TRPC7: variants seen among roughly 807,000 people sequenced by gnomAD.
TRPC7 encodes the protein short transient receptor potential channel 7.
In TRPC7, 42 loss-of-function variants were observed where a neutral mutation model predicts 90.1. The observed-to-expected ratio is 0.47, with a 90% CI of 0.36 to 0.60. The LOEUF (loss-of-function observed/expected upper bound fraction) is 0.60, where lower values mean the gene tolerates loss of function less well. TRPC7 is among the 20% of genes least tolerant of loss of function. The pLI, the probability that TRPC7 is intolerant of heterozygous loss-of-function variation, is 0.00. For synonymous variants in TRPC7, 451 were observed against 436.3 expected (o/e 1.03, Z -0.42); for missense variants, 955 against 1,112.3 (o/e 0.86, Z 2.01).
intron 3 of TRPC7, among the ~76,000 whole-genome samples, chr5:136,303,550 A>C (rs1758482950): frequency 6.6e-6 from 1 of 152,110 alleles, no homozygotes; most frequent in Admixed American, 6.6e-5. Context: ...GTGGCCAGGC[A>C]TTCCTCCAGA....
chr5:136,342,801 G>A (rs895192612), intron 2 of TRPC7, among the ~76,000 whole-genome samples: 1 of 152,144 alleles, frequency 6.6e-6, no homozygotes, highest in Non-Finnish European at 1.5e-5. Context: ...AATTGTTTGA[G>A]ACAAACAAAT....
At chr5:136,281,709 G>A (rs764824622) in intron 3 of TRPC7, among the ~76,000 whole-genome samples, 19 of 152,130 alleles carry the variant, frequency 1.2e-4, no homozygotes, top group Admixed American at 8.5e-4. Flanking sequence ...AGCCTAATTC[G>A]TTAGGTCTCA....
intron 4 of TRPC7, among the ~76,000 whole-genome samples, chr5:136,273,927 G>A (rs1050291106): frequency 3.2e-4 from 48 of 152,224 alleles, no homozygotes; most frequent in African/African-American, 1.0e-3. Flanking sequence ...TGACTGGGAT[G>A]TGGGGATGGT....
intron 5 of TRPC7, 28 bp from the exon 6 acceptor site, chr5:136,251,910 A>C: frequency 6.3e-7 from 1 of 1,595,730 alleles, no homozygotes; most frequent in Non-Finnish European, 8.6e-7. Context: ...GGCCAGGCTC[A>C]CTTTTCGTTT....
intron 2 of TRPC7, among the ~76,000 whole-genome samples, chr5:136,336,016 C>T (rs1759651139): frequency 6.6e-6 from 1 of 152,084 alleles, no homozygotes; most frequent in Non-Finnish European, 1.5e-5. Flanking sequence ...CCCAACTTCC[C>T]TCCTGCCACA....
intron 2 of TRPC7, among the ~76,000 whole-genome samples, chr5:136,326,603 A>G (rs1046012137): frequency 6.6e-6 from 1 of 152,334 alleles, no homozygotes; most frequent in East Asian, 1.9e-4. Context: ...AAAACCGGAT[A>G]TGATTGCTGG....
In TRPC7 at chr5:136,251,570, G is replaced by C. The variant is rs1756515777; in HGVS notation, c.1579+79C>G. 3 of 1,182,884 alleles carry C rather than the reference G, an allele frequency of 2.5e-6. No homozygotes were observed. In the Admixed American group the frequency reaches 6.5e-5, roughly 26 times the overall value. The allele number at this position is 1,182,884 out of a possible 1,614,324, so 73.3% of individuals were successfully genotyped here. ...CACTTGATTACAAATAGCGTTACAA[G>C]TTCACCAGCCACAGTGAAGCACCAG... On this transcript the variant is annotated intron_variant, in intron 6 of 11. Transcript: ENST00000513104.
chr5:136,230,522 G>T (rs1196554908), intron 8 of TRPC7, among the ~76,000 whole-genome samples: 1 of 152,102 alleles, frequency 6.6e-6, no homozygotes, highest in Non-Finnish European at 1.5e-5. Context: ...TAACTTGAAG[G>T]TCTTTCCCCA....
intron 3 of TRPC7, among the ~76,000 whole-genome samples, chr5:136,278,146 T>C (rs552462710): frequency 9.8e-5 from 15 of 152,366 alleles, no homozygotes; most frequent in Middle Eastern, 3.4e-3. Context: ...AGGCTGACTC[T>C]GCCCCACTCA....
chr5:136,324,832 G>C (rs1231436715), intron 2 of TRPC7, among the ~76,000 whole-genome samples: 1 of 152,192 alleles, frequency 6.6e-6, no homozygotes, highest in Non-Finnish European at 1.5e-5. Context: ...AGATGTTGTA[G>C]AGACATCCAT....
intron 7 of TRPC7, among the ~76,000 whole-genome samples, chr5:136,246,336 A>G (rs1756337097): frequency 6.6e-6 from 1 of 152,116 alleles, no homozygotes; most frequent in Non-Finnish European, 1.5e-5. Flanking sequence ...CCACTCGCAG[A>G]CCTGCCTCCC....
chr5:136,329,331 A>G (rs967957869), intron 2 of TRPC7, among the ~76,000 whole-genome samples: 1 of 152,224 alleles, frequency 6.6e-6, no homozygotes, highest in Non-Finnish European at 1.5e-5. Context: ...GGCACTGAGA[A>G]TGTAAACCTA....
intron 1 of TRPC7, among the ~76,000 whole-genome samples, chr5:136,358,731 G>C (rs559296572): frequency 1.3e-5 from 2 of 152,136 alleles, no homozygotes; most frequent in Admixed American, 6.5e-5. Flanking sequence ...TGAAATAGAG[G>C]GGCTGGACCA....
intron 8 of TRPC7, among the ~76,000 whole-genome samples, chr5:136,228,888 G>A (rs540244317): frequency 8.1e-4 from 123 of 152,294 alleles, no homozygotes; most frequent in Middle Eastern, 3.4e-3. Context: ...GCCCCTTTCC[G>A]TGGTGGGATA....
intron 1 of TRPC7, among the ~76,000 whole-genome samples, chr5:136,364,274 C>T (rs1760658113): frequency 6.6e-6 from 1 of 152,046 alleles, no homozygotes; most frequent in Non-Finnish European, 1.5e-5. Context: ...TCTACATGCA[C>T]CTAAGTTTAG....
intron 5 of TRPC7, among the ~76,000 whole-genome samples, chr5:136,254,264 A>G (rs1756618347): frequency 6.6e-6 from 1 of 152,244 alleles, no homozygotes; most frequent in Non-Finnish European, 1.5e-5. Context: ...TAGATTAAAC[A>G]GCTTTATCTT....
chr5:136,356,603 G>A lies in TRPC7; in HGVS notation c.780+5C>T, dbSNP rs762169418. ...TGCCTGCAGGGTGCTAAGTGGAAGAGTTACCTTAAATTCAGTCTCAATGTT... is the reference window on the plus strand; with the variant it reads ...TGCCTGCAGGGTGCTAAGTGGAAGAATTACCTTAAATTCAGTCTCAATGTT... On this transcript the variant is annotated splice_donor_5th_base_variant and intron_variant, in intron 2 of 11. Coordinates refer to ENST00000513104, the MANE Select transcript of TRPC7 (RefSeq NM_020389.3). 6.6e-7 allele frequency: 1 copy of A among 1,525,992 alleles called. No individual in the cohort carries two copies. The allele number at this position is 1,525,992 out of a possible 1,614,324, so 94.5% of individuals were successfully genotyped here. A position where few individuals can be genotyped will look rare whatever the true frequency, so the allele number is the denominator to read the frequency against.
At chr5:136,353,616 A>G (rs1760269151) in intron 2 of TRPC7, among the ~76,000 whole-genome samples, 3 of 152,234 alleles carry the variant, frequency 2.0e-5, no homozygotes, top group Admixed American at 2.0e-4. Flanking sequence ...TTATAATGTC[A>G]GGAATGCACA....
chr5:136,248,442 T>C (rs1046381414), intron 6 of TRPC7, among the ~76,000 whole-genome samples: 8 of 152,246 alleles, frequency 5.3e-5, no homozygotes, highest in African/African-American at 1.7e-4. Context: ...AATGACTGAA[T>C]AGACTTTTAA....
Sources: allele counts gnomAD v4.1 joint callset (sites outside exome capture counted in the v4.1 genomes callset), GRCh38; gene constraint gnomAD v4.1.1; transcripts MANE v1.5; gene names NCBI Gene and HGNC (gene_info 2026-07-23, HGNC 2026-07-21).